LANCL2: variants seen among roughly 807,000 people sequenced by gnomAD.
LANCL2 encodes lanC-like protein 2.
LANCL2 carries 33 observed loss-of-function variants against 56.9 expected under a neutral mutation model. The ratio of observed to expected loss-of-function variants is 0.58; its 90% CI spans 0.44 to 0.78. LANCL2 has a LOEUF of 0.78. Among genes scored for constraint, LANCL2 ranks in the 30% least tolerant of loss-of-function variants. The pLI is 0.00. For missense variants in LANCL2, 562 were observed against 580.2 expected (o/e 0.97, Z 0.32); for synonymous variants, 233 against 228.2 (o/e 1.02, Z -0.19).
intron 1 of LANCL2, among the ~76,000 whole-genome samples, chr7:55,390,152 G>A (rs997586134): frequency 5.9e-5 from 9 of 152,080 alleles, no homozygotes; most frequent in African/African-American, 7.2e-5. Context: ...AAACTGAGTC[G>A]GTTTGTCAGG....
intron 1 of LANCL2, 97 bp downstream of exon 1, chr7:55,366,326 G>C (rs1053605934): frequency 9.3e-7 from 1 of 1,074,148 alleles, no homozygotes; most frequent in Non-Finnish European, 1.3e-6. Context: ...CGCGCGCCGG[G>C]CTTGGGAGGG....
intron 1 of LANCL2, among the ~76,000 whole-genome samples, chr7:55,373,401 C>A (rs1789967417): frequency 6.6e-6 from 1 of 152,068 alleles, no homozygotes; most frequent in African/African-American, 2.4e-5. Context: ...AGAGATCCTC[C>A]CACCTCAGCC....
rs369586205 is a variant in LANCL2, at chr7:55,392,213, A to G, written c.322+303A>G. Among the ~76,000 whole-genome samples the G allele has an allele frequency of 5.3e-5, 8 of 152,242 alleles. No individual in the cohort carries two copies. In the East Asian group the frequency reaches 1.4e-3, roughly 26 times the overall value. On this transcript the variant is annotated intron_variant, in intron 2 of 8. Transcript: ENST00000254770. ...GAGGCTGAGGCAGGAGAATTGCTTGAACCTGGGAAGCGGAGGTTGCAGTGA... is the reference window on the plus strand; with the variant it reads ...GAGGCTGAGGCAGGAGAATTGCTTGGACCTGGGAAGCGGAGGTTGCAGTGA...
At chr7:55,372,944 C>T (rs183698546) in intron 1 of LANCL2, among the ~76,000 whole-genome samples, 1 of 152,328 alleles carries the variant, frequency 6.6e-6, no homozygotes. Context: ...GGGCATGGAA[C>T]TCCTGTTGAT....
At chr7:55,422,675 C>T (rs1459495621) in intron 6 of LANCL2, among the ~76,000 whole-genome samples, 2 of 152,130 alleles carry the variant, frequency 1.3e-5, no homozygotes, top group Admixed American at 1.3e-4. Flanking sequence ...TTCATGATTT[C>T]TTCTGTTATG....
At chr7:55,407,333 C>T (rs1790419882) in intron 5 of LANCL2, among the ~76,000 whole-genome samples, 1 of 152,194 alleles carries the variant, frequency 6.6e-6, no homozygotes, top group Admixed American at 6.5e-5. Flanking sequence ...ACCTCTCCCT[C>T]ACCCCAAGGG....
chr7:55,398,367 G>A (rs933681538), intron 2 of LANCL2, 56 bp from the exon 3 acceptor site: 29 of 1,296,348 alleles, frequency 2.2e-5, no homozygotes, highest in Admixed American at 3.4e-5. Context: ...ATAATGTCCT[G>A]AAGATAAAAG....
At chr7:55,386,290 A>G (rs886941611) in intron 1 of LANCL2, among the ~76,000 whole-genome samples, 1 of 152,240 alleles carries the variant, frequency 6.6e-6, no homozygotes, top group African/African-American at 2.4e-5. Context: ...TTTACAATTT[A>G]TGTTTAGAGG....
chr7:55,387,857 G>A (rs6593244), intron 1 of LANCL2, among the ~76,000 whole-genome samples: 53,548 of 151,828 alleles, frequency 0.35, 9,919 homozygotes, highest in African/African-American at 0.43. Flanking sequence ...ATTTTTTTCT[G>A]TAAAATTTCT....
chr7:55,397,656 C>CTTTTTTTTTTTT (rs10659615), intron 2 of LANCL2, among the ~76,000 whole-genome samples: 6 of 108,846 alleles, frequency 5.5e-5, no homozygotes, highest in Non-Finnish European at 7.2e-5. Context: ...TATACTGATT[C>CTTTTTTTTTTTT]TTTTTTTTTT....
intron 4 of LANCL2, 113 bp downstream of exon 4, chr7:55,400,217 C>A: frequency 2.2e-6 from 2 of 893,654 alleles, no homozygotes; most frequent in Non-Finnish European, 3.1e-6. Flanking sequence ...TTTTTTAAAG[C>A]AACTCATCAA....
intron 1 of LANCL2, chr7:55,379,973 A>G (rs748868213): frequency 6.6e-6 from 1 of 152,254 alleles, no homozygotes; most frequent in Non-Finnish European, 1.5e-5. Context: ...GATTTTCATG[A>G]AGCTCTCCTT....
rs1165704576 is a variant in LANCL2, at chr7:55,433,318, G to A, written c.*1998G>A. 6 of 152,226 alleles carry A rather than the reference G, an allele frequency of 3.9e-5. No individual in the cohort carries two copies. Among genetic ancestry groups the A allele is most frequent in the Admixed American group, 1.3e-4 (2 of 15,280 alleles). 9.4% of individuals were successfully genotyped at this position (152,226 alleles called of 1,614,324 possible). A position where few individuals can be genotyped will look rare whatever the true frequency, so the allele number is the denominator to read the frequency against. On this transcript the variant is annotated 3_prime_UTR_variant, in exon 9 of 9. Coordinates refer to ENST00000254770, the MANE Select transcript of LANCL2 (RefSeq NM_018697.4). ...AGATTAAAATCTGTGGAATAAAGGAGGAGATTTTATTTACAGATTTTTTTA... is the reference window on the plus strand; with the variant it reads ...AGATTAAAATCTGTGGAATAAAGGAAGAGATTTTATTTACAGATTTTTTTA...
chr7:55,393,500 C>A (rs1790215373), intron 2 of LANCL2, among the ~76,000 whole-genome samples: 1 of 152,152 alleles, frequency 6.6e-6, no homozygotes, highest in African/African-American at 2.4e-5. Context: ...CATTACACTC[C>A]AGTCTGGGCA....
intron 1 of LANCL2, among the ~76,000 whole-genome samples, chr7:55,372,054 C>G (rs1480108929): frequency 2.0e-5 from 3 of 152,142 alleles, no homozygotes; most frequent in African/African-American, 7.2e-5. Flanking sequence ...GAACCACAGT[C>G]TGCATTTTAA....
At chr7:55,372,291 TA>T (rs1789951989) in intron 1 of LANCL2, among the ~76,000 whole-genome samples, 1 of 152,234 alleles carries the variant, frequency 6.6e-6, no homozygotes, top group South Asian at 2.1e-4. Flanking sequence ...AAATAAATTG[TA>T]GCATAGAGCA....
chr7:55,412,039 T>C lies in LANCL2; in HGVS notation c.958T>C (p.Trp320Arg). 6.2e-7 allele frequency: 1 copy of C among 1,614,224 alleles called. No homozygotes were observed. Among genetic ancestry groups the C allele is most frequent in the South Asian group, 1.1e-5 (1 of 91,088 alleles). The change falls in exon 6 of 9, where the codon TGG becomes CGG. Residue 320 changes from tryptophan (W) to arginine (R), a missense_variant. Coordinates refer to ENST00000254770, the MANE Select transcript of LANCL2 (RefSeq NM_018697.4). ...CAATGAAACAGACCGGCTGGTGCACTGGTGCCACGGCGCCCCGGGGGTCAT... is the reference window on the plus strand; with the variant it reads ...CAATGAAACAGACCGGCTGGTGCACCGGTGCCACGGCGCCCCGGGGGTCAT... Reference protein sequence around the residue: ...LSNETDRLVHWCHGAPGVIHM... With the variant: ...LSNETDRLVHRCHGAPGVIHM...
intron 1 of LANCL2, among the ~76,000 whole-genome samples, 172 bp from the exon 2 acceptor site, chr7:55,391,621 A>G (rs1285793867): frequency 6.6e-6 from 1 of 152,044 alleles, no homozygotes; most frequent in African/African-American, 2.4e-5. Flanking sequence ...TTATCTCATT[A>G]AAAAAAGTAA....
intron 7 of LANCL2, 21 bp downstream of exon 7, chr7:55,425,451 A>G: frequency 6.2e-7 from 1 of 1,611,816 alleles, no homozygotes; most frequent in South Asian, 1.1e-5. Context: ...CTCTGTTGGA[A>G]CTGCTTCTGA....
Sources: allele counts gnomAD v4.1 joint callset (sites outside exome capture counted in the v4.1 genomes callset), GRCh38; gene constraint gnomAD v4.1.1; transcripts MANE v1.5; gene names NCBI Gene and HGNC (gene_info 2026-07-23, HGNC 2026-07-21).